The following TTC6 variants were observed in gnomAD, a reference collection of about 807,000 sequenced individuals.
TTC6 encodes the protein tetratricopeptide repeat domain 6.
A neutral mutation model predicts 210.4 loss-of-function variants in TTC6; 172 were observed. The ratio of observed to expected loss-of-function variants is 0.82; its 90% CI spans 0.72 to 0.93. The LOEUF (loss-of-function observed/expected upper bound fraction) is 0.93. Ranked by LOEUF, TTC6 falls within the 40% of genes least tolerant of loss-of-function variation. The probability of loss-of-function intolerance (pLI) is 0.00; values close to 1 mark genes in which losing one functional copy is unlikely to be tolerated. For missense variants in TTC6, 2,414 were observed against 2,318.1 expected (o/e 1.04, Z -0.85); for synonymous variants, 804 against 819.6 (o/e 0.98, Z 0.32).
At chr14:37,742,630 C>T (rs890611516) in intron 10 of TTC6, among the ~76,000 whole-genome samples, 1 of 151,008 alleles carries the variant, frequency 6.6e-6, no homozygotes, top group Non-Finnish European at 1.5e-5. Context: ...GTTGCCCAGG[C>T]TGGTCTTGAA....
exon 29 of TTC6, chr14:37,827,206 C>T: frequency 6.2e-7 from 1 of 1,612,290 alleles, no homozygotes; most frequent in African/African-American, 1.3e-5. Context: ...ATCAGTACTA[C>T]AGCAGAATTC....
intron 14 of TTC6, among the ~76,000 whole-genome samples, chr14:37,763,081 G>C (rs1455034915): frequency 2.0e-5 from 3 of 151,554 alleles, no homozygotes; most frequent in East Asian, 3.9e-4. Context: ...GTAGAGACGG[G>C]GTTTCACCAT....
intron 14 of TTC6, among the ~76,000 whole-genome samples, chr14:37,771,935 TTA>T (rs1283101494): frequency 6.6e-6 from 1 of 152,226 alleles, no homozygotes; most frequent in East Asian, 1.9e-4. Context: ...CTTTGTGGTT[TTA>T]TCTACTTTTG....
chr14:37,610,505 A>G (rs1366691711), intron 2 of TTC6, among the ~76,000 whole-genome samples: 5 of 152,184 alleles, frequency 3.3e-5, no homozygotes, highest in East Asian at 1.9e-4. Flanking sequence ...CATCTACACT[A>G]TATTATCTAA....
At chr14:37,775,572 A>G (rs1191429309) in intron 14 of TTC6, among the ~76,000 whole-genome samples, 1 of 151,952 alleles carries the variant, frequency 6.6e-6, no homozygotes, top group South Asian at 2.1e-4. Context: ...TTATATTTTT[A>G]CTGTGCTGTG....
chr14:37,694,813 G>A (rs539061254), intron 3 of TTC6, among the ~76,000 whole-genome samples: 11 of 152,056 alleles, frequency 7.2e-5, no homozygotes, highest in East Asian at 1.9e-4. Flanking sequence ...AGGCCTAGCC[G>A]TGTAGATTGC....
chr14:37,820,220 G>T (rs2096152205), intron 26 of TTC6, among the ~76,000 whole-genome samples: 1 of 152,158 alleles, frequency 6.6e-6, no homozygotes, highest in African/African-American at 2.4e-5. Flanking sequence ...GCAGGAGGCT[G>T]GGAAGCCTCT....
intron 29 of TTC6, among the ~76,000 whole-genome samples, chr14:37,835,845 A>T (rs2096196671): frequency 6.6e-6 from 1 of 152,102 alleles, no homozygotes. Context: ...CTCTATACGG[A>T]TTCAATACTG....
At chr14:37,603,502 C>T (rs1011031354) in intron 1 of TTC6, among the ~76,000 whole-genome samples, 11 of 152,306 alleles carry the variant, frequency 7.2e-5, no homozygotes, top group Middle Eastern at 3.4e-3. Flanking sequence ...TAATTGGCAC[C>T]GCAAAAATTT....
intron 1 of TTC6, among the ~76,000 whole-genome samples, chr14:37,651,402 TATATATATATATATATATATATA>T (rs1182271362): frequency 2.3e-4 from 4 of 17,090 alleles, no homozygotes; most frequent in African/African-American, 9.5e-4. Context: ...TATATATATA[TATATATATATATATATATATATA>T]TTTTTTTTTT....
intron 14 of TTC6, among the ~76,000 whole-genome samples, chr14:37,786,693 G>A (rs1356439330): frequency 6.6e-6 from 1 of 152,218 alleles, no homozygotes; most frequent in Non-Finnish European, 1.5e-5. Flanking sequence ...TGGAAATGCA[G>A]GAATCACCCG....
At chr14:37,633,252 T>C (rs1216822027) in intron 1 of TTC6, among the ~76,000 whole-genome samples, 2 of 152,198 alleles carry the variant, frequency 1.3e-5, no homozygotes, top group Non-Finnish European at 2.9e-5. Flanking sequence ...GCCCTGGTGG[T>C]GAAGGCACCC....
intron 14 of TTC6, among the ~76,000 whole-genome samples, chr14:37,778,732 G>A (rs565726160): frequency 7.9e-5 from 12 of 152,226 alleles, no homozygotes; most frequent in South Asian, 2.1e-4. Context: ...GAGGTATGAC[G>A]TGGACCCCTG....
At chr14:37,760,337 GA>G (rs1195405389) in intron 14 of TTC6, among the ~76,000 whole-genome samples, 9 of 152,324 alleles carry the variant, frequency 5.9e-5, no homozygotes, top group African/African-American at 2.2e-4. Context: ...GGAGGCTGCA[GA>G]AAAGCAGTTT....
At chr14:37,784,677 G>A (rs1347870381) in intron 14 of TTC6, among the ~76,000 whole-genome samples, 1 of 152,110 alleles carries the variant, frequency 6.6e-6, no homozygotes, top group Non-Finnish European at 1.5e-5. Flanking sequence ...ATGTTAGCTG[G>A]TTATTTTGCT....
intron 1 of TTC6, among the ~76,000 whole-genome samples, chr14:37,659,741 G>A (rs951216622): frequency 2.6e-5 from 4 of 152,172 alleles, no homozygotes; most frequent in African/African-American, 7.2e-5. Context: ...GGCTGGTCTC[G>A]AACTCCTGAC....
At chr14:37,762,236 A>G (rs2095986745) in intron 14 of TTC6, among the ~76,000 whole-genome samples, 1 of 152,126 alleles carries the variant, frequency 6.6e-6, no homozygotes, top group Non-Finnish European at 1.5e-5. Flanking sequence ...GTTGATAGAC[A>G]CTTAGCTTGA....
intron 14 of TTC6, among the ~76,000 whole-genome samples, chr14:37,771,602 C>T (rs1253027693): frequency 6.6e-6 from 1 of 152,150 alleles, no homozygotes; most frequent in African/African-American, 2.4e-5. Context: ...GCATTGGCTC[C>T]TGAGGCTTCT....
In TTC6 at chr14:37,749,705, A is replaced by T; in HGVS notation, c.2827-9A>T. The T allele has an allele frequency of 7.4e-7, 1 of 1,357,380 alleles. No homozygotes were observed. Among genetic ancestry groups the T allele is most frequent in the Non-Finnish European group, 9.5e-7 (1 of 1,056,064 alleles). 84.1% of individuals were successfully genotyped at this position (1,357,380 alleles called of 1,614,324 possible). A position where few individuals can be genotyped will look rare whatever the true frequency, so the allele number is the denominator to read the frequency against. On this transcript the variant is annotated splice_polypyrimidine_tract_variant and intron_variant, in intron 11 of 30. Transcript: ENST00000553443. ...CAACTTTAACTGAATTTTTACATAT[A>T]TTTTCTAGGTAATACTCTTGGAACC...
Sources: gnomAD v4.1 joint callset for allele counts (sites outside exome capture counted in the v4.1 genomes callset) on GRCh38, gnomAD v4.1.1 for gene constraint, MANE v1.5 for transcripts, NCBI Gene and HGNC (gene_info 2026-07-23, HGNC 2026-07-21) for gene names.